Variants in DPM1 observed in about 807,000 individuals in gnomAD.
DPM1 encodes dolichyl-phosphate mannosyltransferase subunit 1, catalytic, also known as dolichol-phosphate mannosyltransferase subunit 1.
Under a neutral mutation model 39.0 loss-of-function variants are expected in DPM1, and 27 were observed. The observed-to-expected ratio is 0.69, with a 90% CI of 0.51 to 0.95. The LOEUF is 0.95. Among genes scored for constraint, DPM1 ranks in the 40% least tolerant of loss-of-function variants. The probability of loss-of-function intolerance (pLI) is 0.00; values close to 1 mark genes in which losing one functional copy is unlikely to be tolerated. For missense variants in DPM1, 307 were observed against 315.6 expected (o/e 0.97, Z 0.21); for synonymous variants, 124 against 109.0 (o/e 1.14, Z -0.86).
chr20:50,951,037 T>G (rs990811738), intron 2 of DPM1, among the ~76,000 whole-genome samples: 3 of 152,214 alleles, frequency 2.0e-5, no homozygotes, highest in African/African-American at 7.2e-5. Flanking sequence ...ACAGTTTAAT[T>G]TATAAATTAA....
intron 6 of DPM1, among the ~76,000 whole-genome samples, chr20:50,941,598 C>T (rs1985833991): frequency 6.6e-6 from 1 of 151,694 alleles, no homozygotes; most frequent in Non-Finnish European, 1.5e-5. Context: ...GTCCCAGCTA[C>T]TCGGGAGGCT....
At chr20:50,942,916 G>A (rs560776805) in intron 5 of DPM1, among the ~76,000 whole-genome samples, 2 of 152,316 alleles carry the variant, frequency 1.3e-5, no homozygotes, top group South Asian at 4.1e-4. Flanking sequence ...GGTGGCACAC[G>A]CCTGTAATCC....
Position 50,958,491 on chromosome 20 carries a change from G to A in DPM1, c.33C>T (p.Arg11=). The A allele has an allele frequency of 6.2e-7, 1 of 1,613,914 alleles. No individual in the cohort carries two copies. Among genetic ancestry groups the A allele is most frequent in the Non-Finnish European group, 8.5e-7 (1 of 1,180,008 alleles). Residue 11 remains arginine, a synonymous_variant, in exon 1 of 9, where the codon CGC becomes CGT. Coordinates refer to ENST00000371588, the MANE Select transcript of DPM1 (RefSeq NM_003859.3). MASLEVSRSP[R]RSRRELEVRS... is the part of the protein sequence containing the mutation. The stretch of plus-strand genomic sequence containing the variant: ...GCACTTCCAGCTCCCGCCGAGACCT[G>A]CGAGGACTACGACTGACTTCCAAGG...
chr20:50,939,701 C>T (rs1337602487), intron 7 of DPM1, among the ~76,000 whole-genome samples: 1 of 152,108 alleles, frequency 6.6e-6, no homozygotes, highest in Non-Finnish European at 1.5e-5. Flanking sequence ...GCAACCTCTG[C>T]CTCTGGGTCT....
chr20:50,945,168 T>G lies in DPM1; in HGVS notation c.398+569A>C, dbSNP rs935261812. 3 of 154,610 alleles carry G rather than the reference T, an allele frequency of 1.9e-5. 1 individual carries two copies. The highest frequency in any genetic ancestry group is 1.9e-4 in the Admixed American group (3 of 15,768). 9.6% of individuals were successfully genotyped at this position (154,610 alleles called of 1,614,324 possible). A position where few individuals can be genotyped will look rare whatever the true frequency, so the allele number is the denominator to read the frequency against. On this transcript the variant is annotated intron_variant, in intron 5 of 8. Coordinates refer to ENST00000371588, the MANE Select transcript of DPM1 (RefSeq NM_003859.3). ...TAATAACTCAAGGCTTAATTCCATT[T>G]ATCAGAGAAGCCATCTTCCACCTTT...
intron 7 of DPM1, among the ~76,000 whole-genome samples, chr20:50,938,903 T>C (rs1307596873): frequency 6.6e-6 from 1 of 151,598 alleles, no homozygotes; most frequent in Non-Finnish European, 1.5e-5. Flanking sequence ...CTCTTGAACC[T>C]GGGAGGCGGA....
chr20:50,950,635 G>A (rs1986523805), intron 2 of DPM1, among the ~76,000 whole-genome samples: 1 of 152,182 alleles, frequency 6.6e-6, no homozygotes, highest in Admixed American at 6.5e-5. Flanking sequence ...TTGGGAGGCT[G>A]AGGCGGGTGA....
chr20:50,955,403 G>C (rs2123143977), intron 1 of DPM1, 118 bp from the exon 2 acceptor site: 1 of 733,772 alleles, frequency 1.4e-6, no homozygotes, highest in African/African-American at 1.8e-5. Context: ...ATTAATCGTT[G>C]AGGAAAACTT....
rs1438775861 is a variant in DPM1, at chr20:50,938,990, G to GA, written c.563+1874dup. Among the ~76,000 whole-genome samples the GA allele has an allele frequency of 3.3e-5, 5 of 150,770 alleles. No individual in the cohort carries two copies. The East Asian group carries it at 5.9e-4, about 18-fold the overall frequency. On this transcript the variant is annotated intron_variant, in intron 7 of 8. Coordinates refer to ENST00000371588, the MANE Select transcript of DPM1 (RefSeq NM_003859.3). The stretch of plus-strand genomic sequence containing the variant: ...GAGCGAAACCCTGTCTCAGAAAAAA[G>GA]AAAAAAAAATTGTGCAATTAACAGG...
rs1048014454 is a variant in DPM1, at chr20:50,958,216, T to C, written c.161+147A>G. 1.5e-5 allele frequency: 15 copies of C among 1,028,280 alleles called. No individual in the cohort carries two copies. The African/African-American group carries it at 2.4e-4, about 16-fold the overall frequency. 63.7% of individuals were successfully genotyped at this position (1,028,280 alleles called of 1,614,324 possible). On this transcript the variant is annotated intron_variant, in intron 1 of 8. Transcript: ENST00000371588. ...AAACCCAACAAGCATCCGCCTCTGCTTCCCTCGCAGGGTGGCCCTCTCCCC... is the reference window on the plus strand; with the variant it reads ...AAACCCAACAAGCATCCGCCTCTGCCTCCCTCGCAGGGTGGCCCTCTCCCC...
intron 7 of DPM1, among the ~76,000 whole-genome samples, chr20:50,939,004 G>A (rs1985469230): frequency 6.6e-6 from 1 of 151,964 alleles, no homozygotes; most frequent in Non-Finnish European, 1.5e-5. Flanking sequence ...AAAAAATTGT[G>A]CAATTAACAG....
At chr20:50,955,347 A>T in intron 1 of DPM1, 62 bp from the exon 2 acceptor site, 6 of 1,142,328 alleles carry the variant, frequency 5.3e-6, no homozygotes, top group Non-Finnish European at 7.8e-6. Context: ...AAAGTAATTT[A>T]AAAATTACTA....
intron 7 of DPM1, among the ~76,000 whole-genome samples, chr20:50,936,929 T>C (rs1245684991): frequency 6.6e-6 from 1 of 152,192 alleles, no homozygotes; most frequent in African/African-American, 2.4e-5. Flanking sequence ...TTAGATGGAC[T>C]GCAGGCCAAA....
At chr20:50,949,979 T>C (rs1986493371) in intron 2 of DPM1, among the ~76,000 whole-genome samples, 1 of 152,224 alleles carries the variant, frequency 6.6e-6, no homozygotes, top group Non-Finnish European at 1.5e-5. Context: ...CGACATGTAA[T>C]GTAAGAACTT....
At chr20:50,951,443 C>T (rs184427938) in intron 2 of DPM1, among the ~76,000 whole-genome samples, 102 of 152,296 alleles carry the variant, frequency 6.7e-4, no homozygotes, top group African/African-American at 2.3e-3. Context: ...AAAAAACGCA[C>T]CAAACTGTTG....
intron 2 of DPM1, among the ~76,000 whole-genome samples, chr20:50,954,279 G>A (rs896367378): frequency 6.6e-6 from 1 of 152,066 alleles, no homozygotes; most frequent in African/African-American, 2.4e-5. Context: ...GGAGGCAAAG[G>A]GTAATTTTTC....
intron 5 of DPM1, chr20:50,945,118 C>A (rs1340766320): frequency 6.5e-6 from 1 of 152,936 alleles, no homozygotes; most frequent in African/African-American, 2.4e-5. Context: ...CTGGAATAAA[C>A]CCTTTTGTTC....
chr20:50,958,268 G>C, intron 1 of DPM1, 95 bp downstream of exon 1: 1 of 1,524,614 alleles, frequency 6.6e-7, no homozygotes, highest in South Asian at 1.2e-5. Context: ...GGCAAAGAAG[G>C]CTGGACAGGG....
chr20:50,939,480 C>T (rs1476241128), intron 7 of DPM1, among the ~76,000 whole-genome samples: 1 of 151,820 alleles, frequency 6.6e-6, no homozygotes, highest in Admixed American at 6.6e-5. Context: ...ACTACAGGCC[C>T]ACCACCACAC....
Sources: allele counts gnomAD v4.1 joint callset (sites outside exome capture counted in the v4.1 genomes callset), GRCh38; gene constraint gnomAD v4.1.1; transcripts MANE v1.5; gene names NCBI Gene and HGNC (gene_info 2026-07-23, HGNC 2026-07-21).